The following DUS1L variants were observed in gnomAD, a reference collection of about 807,000 sequenced individuals.
DUS1L encodes the protein dihydrouridine synthase 1 like.
DUS1L carries 56 observed loss-of-function variants against 61.2 expected under a neutral mutation model. That is an observed-to-expected ratio of 0.92 (90% CI 0.74 to 1.14). The LOEUF (loss-of-function observed/expected upper bound fraction) is 1.14, where lower values mean the gene tolerates loss of function less well. Ranked by LOEUF, DUS1L falls within the 50% of genes most tolerant of loss-of-function variation. The pLI is 0.00. For missense variants in DUS1L, 630 were observed against 632.4 expected, an observed-to-expected ratio of 1.00 and a Z score of 0.04; for synonymous variants, 278 against 259.5, an observed-to-expected ratio of 1.07 and a Z score of -0.69.
rs1449783339 is a variant in DUS1L, at chr17:82,064,941, C to A, written c.119G>T (p.Gly40Val). The A allele has an allele frequency of 6.2e-7, 1 of 1,612,574 alleles. No individual in the cohort carries two copies. The highest frequency in any genetic ancestry group is 2.2e-5 in the East Asian group (1 of 44,870). The change falls in exon 2 of 14, where the codon GGG becomes GTG. Residue 40 changes from glycine (G) to valine (V), a missense_variant. By Grantham distance (109) the Gly-to-Val change is moderately radical (BLOSUM62 -3). Transcript: ENST00000306796. The stretch of plus-strand genomic sequence containing the variant: ...CATGGGCGTGTAGCAGAGCTGTGCC[C>A]CGTGGCGCCGGCTCAGCAGCCTCCA... ...LAWRLLSRRH[G>V]AQLCYTPMLH... is the part of the protein sequence containing the mutation.
At chr17:82,063,840 C>G (rs774857936) in intron 3 of DUS1L, among the ~76,000 whole-genome samples, 3 of 152,214 alleles carry the variant, frequency 2.0e-5, no homozygotes, top group Non-Finnish European at 4.4e-5. Context: ...CTCAGCCCCA[C>G]ACACAGCAGT....
At chr17:82,064,383 G>A in intron 2 of DUS1L, 149 bp from the exon 3 acceptor site, 1 of 659,592 alleles carries the variant, frequency 1.5e-6, no homozygotes, top group Non-Finnish European at 2.6e-6. Context: ...CTTACAATAT[G>A]ACAAAGCCGG....
chr17:82,058,976 C>T, intron 11 of DUS1L, 158 bp from the exon 12 acceptor site: 5 of 678,226 alleles, frequency 7.4e-6, no homozygotes, highest in South Asian at 1.6e-5. Context: ...GCAGGCTGGC[C>T]ACGTCTGCTT....
chr17:82,062,720 T>C (rs2033569541), intron 5 of DUS1L, 141 bp downstream of exon 5: 10 of 681,746 alleles, frequency 1.5e-5, no homozygotes, highest in Non-Finnish European at 2.5e-5. Flanking sequence ...TCAGAGCCAG[T>C]GGGGACAGGC....
chr17:82,058,550 C>T, intron 12 of DUS1L, 134 bp from the exon 13 acceptor site: 1 of 1,455,944 alleles, frequency 6.9e-7, no homozygotes. Flanking sequence ...GAACTGCTCC[C>T]AAGCCAGATG....
At chr17:82,063,187 C>T in intron 4 of DUS1L, 1 of 631,872 alleles carries the variant, frequency 1.6e-6, no homozygotes. Flanking sequence ...ACAAGCAGGG[C>T]CAAGGCCGGC....
intron 2 of DUS1L, 74 bp from the exon 3 acceptor site, chr17:82,064,308 C>T: frequency 7.8e-7 from 1 of 1,279,132 alleles, no homozygotes; most frequent in Non-Finnish European, 1.1e-6. Flanking sequence ...TACGAGAGGT[C>T]CAGTGTGACC....
Position 82,064,923 on chromosome 17 carries a change from G to A in DUS1L, c.137C>T (p.Thr46Met), listed in dbSNP as rs768742629. 1.2e-6 allele frequency: 2 copies of A among 1,612,674 alleles called. No homozygotes were observed. The highest frequency in any genetic ancestry group is 1.7e-6 in the Non-Finnish European group (2 of 1,179,868). The change falls in exon 2 of 14, where the codon ACG becomes ATG. Residue 46 changes from threonine to methionine, a missense_variant. Coordinates refer to ENST00000306796, the MANE Select transcript of DUS1L (RefSeq NM_022156.5). ...AAAGACCTGGGCATGCAGCATGGGC[G>A]TGTAGCAGAGCTGTGCCCCGTGGCG... ...SRRHGAQLCYTPMLHAQVFVR... is the reference protein window; with the variant it reads ...SRRHGAQLCYMPMLHAQVFVR...
intron 8 of DUS1L, 65 bp from the exon 9 acceptor site, chr17:82,061,026 A>G: frequency 6.4e-7 from 1 of 1,565,488 alleles, no homozygotes; most frequent in Non-Finnish European, 8.7e-7. Context: ...CAGGCTGAGC[A>G]CTGGGCACAC....
intron 4 of DUS1L, 67 bp downstream of exon 4, chr17:82,063,401 G>C: frequency 6.2e-7 from 1 of 1,607,824 alleles, no homozygotes; most frequent in South Asian, 1.1e-5. Flanking sequence ...CCAACCAAGT[G>C]GACAGTGCCC....
Position 82,058,419 on chromosome 17 carries a change from G to A in DUS1L, c.1207-3C>T. 6.7e-7 allele frequency: 1 copy of A among 1,484,834 alleles called. No homozygotes were observed. The highest frequency in any genetic ancestry group is 9.0e-7 in the Non-Finnish European group (1 of 1,116,016). 92.0% of individuals were successfully genotyped at this position (1,484,834 alleles called of 1,614,324 possible). A position where few individuals can be genotyped will look rare whatever the true frequency, so the allele number is the denominator to read the frequency against. ...AGGCTGAACACACATCTGTTGCCCTGGGCACAGGAAATCTCGGGAGCCTGT... is the reference window on the plus strand; with the variant it reads ...AGGCTGAACACACATCTGTTGCCCTAGGCACAGGAAATCTCGGGAGCCTGT... On this transcript the variant is annotated splice_polypyrimidine_tract_variant and splice_region_variant and intron_variant, in intron 12 of 13. Coordinates refer to ENST00000306796, the MANE Select transcript of DUS1L (RefSeq NM_022156.5).
intron 4 of DUS1L, 82 bp from the exon 5 acceptor site, chr17:82,063,055 G>A: frequency 8.0e-7 from 1 of 1,251,582 alleles, no homozygotes; most frequent in Non-Finnish European, 1.1e-6. Flanking sequence ...GGGCCCTGCA[G>A]ACAGCGGAGC....
At position 82,058,019 on chromosome 17, in the gene DUS1L, A is replaced by G. The variant is rs775567279; in HGVS notation, c.*96T>C. On this transcript the variant is annotated 3_prime_UTR_variant, in exon 14 of 14. Coordinates refer to ENST00000306796, the MANE Select transcript of DUS1L (RefSeq NM_022156.5). ...GGGGGACATGGGCGTGTCTTTCCAC[A>G]TTAAGTAGCAGGAGATTCCCTGAGT... 1.6e-5 allele frequency: 23 copies of G among 1,405,100 alleles called. No homozygotes were observed. The highest frequency in any genetic ancestry group is 9.6e-5 in the South Asian group (6 of 62,590). The allele number at this position is 1,405,100 out of a possible 1,614,324, so 87.0% of individuals were successfully genotyped here.
At chr17:82,061,563 G>A (rs530548330) in intron 7 of DUS1L, 55 bp downstream of exon 7, 95 of 1,555,470 alleles carry the variant, frequency 6.1e-5, no homozygotes, top group Non-Finnish European at 7.8e-5. Context: ...CGACCTGGGC[G>A]GTGGTATCAG....
rs1261786530 is a variant in DUS1L at position 82,065,707 on chromosome 17, GCCCGGGGCCCCTGCAGCT to G, written c.-123_-106del. 6.8e-6 allele frequency: 1 copy of G among 148,088 alleles called. No individual in the cohort carries two copies. Among genetic ancestry groups the G allele is most frequent in the Non-Finnish European group, 1.5e-5 (1 of 66,624 alleles). 9.2% of individuals were successfully genotyped at this position (148,088 alleles called of 1,614,324 possible). ...CCCGCCCCTCTCCGGCCTCGCCGCC[GCCCGGGGCCCCTGCAGCT>G]CCCGGGGCGCCGCGAACGCCCGCAC... is the stretch of plus-strand genomic sequence containing the variant. On this transcript the variant is annotated 5_prime_UTR_variant, in exon 1 of 14. Transcript: ENST00000306796.
In DUS1L at chr17:82,058,036, T is replaced by G; in HGVS notation, c.*79A>C. 1 of 1,430,556 alleles carries G rather than the reference T, an allele frequency of 7.0e-7. No individual in the cohort carries two copies. The highest frequency in any genetic ancestry group is 2.5e-5 in the East Asian group (1 of 39,536). 88.6% of individuals were successfully genotyped at this position (1,430,556 alleles called of 1,614,324 possible). A position where few individuals can be genotyped will look rare whatever the true frequency, so the allele number is the denominator to read the frequency against. ...CTTTCCACATTAAGTAGCAGGAGAT[T>G]CCCTGAGTAAAAGGCATTTTCTTAA... is the stretch of plus-strand genomic sequence containing the variant. On this transcript the variant is annotated 3_prime_UTR_variant, in exon 14 of 14. Coordinates refer to ENST00000306796, the MANE Select transcript of DUS1L (RefSeq NM_022156.5).
rs1219887674 is a variant in DUS1L, at chr17:82,061,155, G to A, written c.842+54C>T. On this transcript the variant is annotated intron_variant, in intron 8 of 13. Transcript: ENST00000306796. ...CAAAATGCCCCAGGTGGGGTCTGAC[G>A]GAATCTGCCTGGGCGGCCCTCCAAC... 19 of 1,558,502 alleles carry A rather than the reference G, an allele frequency of 1.2e-5. No individual in the cohort carries two copies. The Admixed American group carries it at 1.6e-4, about 13-fold the overall frequency.
At chr17:82,060,994 T>G in intron 8 of DUS1L, 33 bp from the exon 9 acceptor site, 1 of 1,597,482 alleles carries the variant, frequency 6.3e-7, no homozygotes, top group South Asian at 1.1e-5. Flanking sequence ...CAGGCTGGGC[T>G]CCCGGCTCCA....
chr17:82,062,086 GC>G, intron 5 of DUS1L, 103 bp from the exon 6 acceptor site: 1 of 966,884 alleles, frequency 1.0e-6, no homozygotes, highest in Non-Finnish European at 1.5e-6. Context: ...ACCCCTCCGA[GC>G]CCCCTCTGCC....
Sources: gnomAD v4.1 joint callset for allele counts (sites outside exome capture counted in the v4.1 genomes callset) on GRCh38, gnomAD v4.1.1 for gene constraint, MANE v1.5 for transcripts, NCBI Gene and HGNC (gene_info 2026-07-23, HGNC 2026-07-21) for gene names.